The following PDZD8 variants were observed in gnomAD, a reference collection of about 807,000 sequenced individuals.
PDZD8 encodes PDZ domain containing 8.
A neutral mutation model predicts 85.8 loss-of-function variants in PDZD8; 14 were observed. The ratio of observed to expected loss-of-function variants is 0.16; its 90% CI spans 0.11 to 0.26. The LOEUF is 0.26. PDZD8 is among the 10% of genes least tolerant of loss of function. PDZD8 has a pLI of 1.00. For synonymous variants in PDZD8, 592 were observed against 568.6 expected (o/e 1.04, Z -0.59); for missense variants, 1,197 against 1,424.3 (o/e 0.84, Z 2.57).
At chr10:117,338,147 A>G (rs1844549607) in intron 2 of PDZD8, among the ~76,000 whole-genome samples, 1 of 152,244 alleles carries the variant, frequency 6.6e-6, no homozygotes, top group African/African-American at 2.4e-5. Context: ...AAAAAAGTTT[A>G]CAAGAAAAAC....
chr10:117,300,782 C>G (rs1455756018), intron 3 of PDZD8, among the ~76,000 whole-genome samples: 2 of 152,074 alleles, frequency 1.3e-5, no homozygotes, highest in African/African-American at 4.8e-5. Context: ...GAGAGAACAC[C>G]CTTATCCCTT....
At chr10:117,295,310 T>C (rs1324752045) in intron 3 of PDZD8, among the ~76,000 whole-genome samples, 1 of 152,222 alleles carries the variant, frequency 6.6e-6, no homozygotes, top group Non-Finnish European at 1.5e-5. Context: ...ACTTGGTTTC[T>C]TCATCCTCTC....
intron 1 of PDZD8, among the ~76,000 whole-genome samples, chr10:117,360,229 C>T (rs1208132923): frequency 6.6e-6 from 1 of 152,178 alleles, no homozygotes; most frequent in East Asian, 1.9e-4. Context: ...ATAGCCTATG[C>T]ACCACAGAGG....
rs1201379181 is a variant in PDZD8 at position 117,339,997 on chromosome 10, T to C, written c.995+983A>G. ...TTGCATTTTGAAAAGATCATGTTGG[T>C]TGTTATATTGGGGACCAGAGGACTA... On this transcript the variant is annotated intron_variant, in intron 2 of 4. Coordinates refer to ENST00000334464, the MANE Select transcript of PDZD8 (RefSeq NM_173791.5). Among the ~76,000 whole-genome samples the C allele has an allele frequency of 2.6e-5, 4 of 152,116 alleles. No individual in the cohort carries two copies. In the East Asian group the frequency reaches 5.8e-4, roughly 22 times the overall value.
At chr10:117,351,096 A>C (rs957958112) in intron 1 of PDZD8, among the ~76,000 whole-genome samples, 1 of 152,158 alleles carries the variant, frequency 6.6e-6, no homozygotes, top group African/African-American at 2.4e-5. Context: ...GCTGGTTTCG[A>C]CTATTAAAAC....
intron 3 of PDZD8, among the ~76,000 whole-genome samples, chr10:117,299,589 T>C (rs530321757): frequency 6.6e-6 from 1 of 152,326 alleles, no homozygotes; most frequent in Middle Eastern, 3.4e-3. Flanking sequence ...TTCTTTCTTC[T>C]ACTTATTGTA....
chr10:117,282,525 TATTAC>T lies in PDZD8; in HGVS notation c.*738_*742del, dbSNP rs1172401625. The T allele has an allele frequency of 6.6e-6, 1 of 152,238 alleles. No individual in the cohort carries two copies. Among genetic ancestry groups the T allele is most frequent in the African/African-American group, 2.4e-5 (1 of 41,472 alleles). The allele number at this position is 152,238 out of a possible 1,614,324, so 9.4% of individuals were successfully genotyped here. The stretch of plus-strand genomic sequence containing the variant: ...CCAACTGCAATCTACATTTATTTCC[TATTAC>T]ATTGTCTTTCAATGTAAGCTCTTCA... On this transcript the variant is annotated 3_prime_UTR_variant, in exon 5 of 5. Coordinates refer to ENST00000334464, the MANE Select transcript of PDZD8 (RefSeq NM_173791.5).
intron 2 of PDZD8, among the ~76,000 whole-genome samples, chr10:117,325,106 G>C (rs117833217): frequency 6.6e-6 from 1 of 151,950 alleles, no homozygotes; most frequent in Non-Finnish European, 1.5e-5. Flanking sequence ...ACTTTGTGGC[G>C]CCATTAACAC....
At chr10:117,369,652 C>A (rs1343662961) in intron 1 of PDZD8, among the ~76,000 whole-genome samples, 2 of 152,114 alleles carry the variant, frequency 1.3e-5, no homozygotes, top group Middle Eastern at 3.2e-3. Flanking sequence ...CCAAGCCAGG[C>A]AAGTACCATC....
chr10:117,370,918 T>TTGTGTGTGTGTGTG (rs71475194), intron 1 of PDZD8, among the ~76,000 whole-genome samples: 7,455 of 146,322 alleles, frequency 0.051, 276 homozygotes, highest in East Asian at 0.17. Flanking sequence ...ACAACATAGT[T>TTGTGTGTGTGTGTG]TGTGTGTGTG....
chr10:117,363,113 T>C (rs1198161991), intron 1 of PDZD8, among the ~76,000 whole-genome samples: 1 of 152,082 alleles, frequency 6.6e-6, no homozygotes, highest in Non-Finnish European at 1.5e-5. Flanking sequence ...ACAAATGAAA[T>C]TTGCTATAAC....
chr10:117,310,296 C>G (rs186684341), intron 3 of PDZD8, among the ~76,000 whole-genome samples: 34 of 152,212 alleles, frequency 2.2e-4, no homozygotes, highest in Admixed American at 1.2e-3. Context: ...ACTTCTCCCT[C>G]ATTGGAACCT....
At chr10:117,340,222 T>C (rs75676706) in intron 2 of PDZD8, among the ~76,000 whole-genome samples, 3,351 of 152,260 alleles carry the variant, frequency 0.022, 109 homozygotes, top group African/African-American at 0.074. Flanking sequence ...CACAAACAAT[T>C]CTCAAAACCG....
intron 4 of PDZD8, 57 bp downstream of exon 4, chr10:117,290,129 C>T (rs1844731313): frequency 2.1e-6 from 3 of 1,439,758 alleles, no homozygotes; most frequent in African/African-American, 1.4e-5. Flanking sequence ...AAAAACCTCA[C>T]ACCTACTTTG....
chr10:117,283,298 A>G lies in PDZD8; in HGVS notation c.3435T>C (p.Asp1145=), dbSNP rs1844598995. ...IDSQPFSSIS[D]DLFGPSESV The stretch of plus-strand genomic sequence containing the variant: ...CAGACTCGGATGGGCCAAATAAGTC[A>G]TCTGATATGCTGCTGAATGGCTGAG... The change falls in exon 5 of 5, where the codon GAT becomes GAC. Residue 1145 remains aspartate (D), a synonymous_variant. Transcript: ENST00000334464. 6.2e-7 allele frequency: 1 copy of G among 1,612,914 alleles called. No individual in the cohort carries two copies. The highest frequency in any genetic ancestry group is 8.5e-7 in the Non-Finnish European group (1 of 1,179,700).
chr10:117,352,230 G>T (rs532248190), intron 1 of PDZD8, among the ~76,000 whole-genome samples: 1 of 152,260 alleles, frequency 6.6e-6, no homozygotes, highest in Admixed American at 6.5e-5. Flanking sequence ...AGAGAGAAAG[G>T]TTTTACTACA....
chr10:117,348,031 G>A lies in PDZD8; in HGVS notation c.873-6929C>T, dbSNP rs117980727. 4.1e-4 allele frequency among the ~76,000 whole-genome samples: 62 copies of A among 152,274 alleles called. No homozygotes were observed. In the East Asian group the frequency reaches 7.9e-3, roughly 19 times the overall value. On this transcript the variant is annotated intron_variant, in intron 1 of 4. Coordinates refer to ENST00000334464, the MANE Select transcript of PDZD8 (RefSeq NM_173791.5). ...ATGTTCTAAAACTGACTGTGGTGACGGTTGCACATATATGTGAATACAGTA... is the reference window on the plus strand; with the variant it reads ...ATGTTCTAAAACTGACTGTGGTGACAGTTGCACATATATGTGAATACAGTA...
chr10:117,324,132 AGAG>A (rs1259895608), intron 2 of PDZD8, among the ~76,000 whole-genome samples: 3 of 142,548 alleles, frequency 2.1e-5, no homozygotes, highest in Non-Finnish European at 4.6e-5. Context: ...AGAGGCTGAG[AGAG>A]GAGAACTGCT....
At chr10:117,296,878 CAA>C (rs1383712697) in intron 3 of PDZD8, among the ~76,000 whole-genome samples, 3 of 151,654 alleles carry the variant, frequency 2.0e-5, no homozygotes, top group Non-Finnish European at 4.4e-5. Context: ...CTGAGTTGGG[CAA>C]AGATTTCTTA....
Sources: gnomAD v4.1 joint callset for allele counts (sites outside exome capture counted in the v4.1 genomes callset) on GRCh38, gnomAD v4.1.1 for gene constraint, MANE v1.5 for transcripts, NCBI Gene and HGNC (gene_info 2026-07-23, HGNC 2026-07-21) for gene names.